The following VBP1 variants were observed in gnomAD, a reference collection of about 807,000 sequenced individuals.
VBP1 encodes the protein VHL binding protein 1.
VBP1 carries 4 observed loss-of-function variants against 15.5 expected under a neutral mutation model. The ratio of observed to expected loss-of-function variants is 0.26; its 90% confidence interval spans 0.13 to 0.59. VBP1 has a LOEUF of 0.59. Ranked by LOEUF, VBP1 falls within the 20% of genes least tolerant of loss-of-function variation. VBP1 has a pLI of 0.90. For synonymous variants in VBP1, 61 were observed against 52.1 expected (o/e 1.17, Z -0.74); for missense variants, 108 against 139.6 (o/e 0.77, Z 1.14).
intron 1 of VBP1, among the ~76,000 whole-genome samples, chrX:155,198,533 C>A (rs1569560841): frequency 1.8e-5 from 2 of 111,638 alleles, no homozygotes; most frequent in African/African-American, 3.2e-5. Context: ...CTCCAACAGA[C>A]CTGCAGCTGA....
Position 155,220,292 on chromosome X carries a change from C to A in VBP1, c.203C>A (p.Ala68Asp). The A allele has an allele frequency of 8.6e-7, 1 of 1,163,132 alleles. No individual in the cohort carries two copies. Among genetic ancestry groups the A allele is most frequent in the Non-Finnish European group, 1.1e-6 (1 of 874,761 alleles). ...QKYKFMELNL[A>D]QKKRRLKGQI... Reference sequence around the variant, plus strand: ...TATAAGTTTATGGAACTCAACCTTGCTCAAAAGAAAAGAAGGTAAGTGTAA... The same window carrying A: ...TATAAGTTTATGGAACTCAACCTTGATCAAAAGAAAAGAAGGTAAGTGTAA... The change falls in exon 2 of 6, where the codon GCT becomes GAT. Residue 68 changes from alanine to aspartate, a missense_variant. Ala to Asp is a moderately radical substitution (Grantham distance 126). Transcript: ENST00000286428.
At chrX:155,226,508 A>G (rs1186471805) in intron 2 of VBP1, among the ~76,000 whole-genome samples, 1 of 112,349 alleles carries the variant, frequency 8.9e-6, no homozygotes, top group Non-Finnish European at 1.9e-5. Context: ...TTATCAACAT[A>G]AAAGTTAAGG....
chrX:155,211,301 C>T (rs1356271493), intron 2 of VBP1, among the ~76,000 whole-genome samples: 1 of 112,184 alleles, frequency 8.9e-6, no homozygotes, highest in Non-Finnish European at 1.9e-5. Context: ...TGTAATTTAT[C>T]TTCACTACCT....
At chrX:155,199,968 G>T (rs1483342152) in intron 1 of VBP1, among the ~76,000 whole-genome samples, 2,300 of 59,749 alleles carry the variant, frequency 0.038, no homozygotes, top group East Asian at 0.045. Flanking sequence ...CCTAGTCTCT[G>T]ATAAAACAGA....
upstream of VBP1, among the ~76,000 whole-genome samples, chrX:155,216,178 C>T (rs2074661772): frequency 9.0e-6 from 1 of 111,275 alleles, no homozygotes; most frequent in South Asian, 3.8e-4. Context: ...GTCCCTATTC[C>T]TAGGGCTTTA....
At chrX:155,228,711 C>G (rs1557310531) in intron 4 of VBP1, among the ~76,000 whole-genome samples, 1 of 111,983 alleles carries the variant, frequency 8.9e-6, no homozygotes. Flanking sequence ...TAAAAACATA[C>G]TGAAGTCTCT....
At chrX:155,207,626 A>C (rs2074630509) in intron 1 of VBP1, among the ~76,000 whole-genome samples, 2 of 111,662 alleles carry the variant, frequency 1.8e-5, no homozygotes, top group South Asian at 7.5e-4. Context: ...GACAGGAGGA[A>C]GGACTGGAAA....
rs937639911 is a variant in VBP1 at position 155,216,525 on chromosome X, A to G, written c.43A>G (p.Thr15Ala). The change falls in exon 1 of 6, where the codon ACA (threonine) becomes GCA (alanine). Residue 15 changes from threonine (T) to alanine (A), a missense_variant. Thr to Ala is a moderately conservative substitution (Grantham distance 58). Transcript: ENST00000286428. ...CAGTTGTGGCAAAGGAGAAATGGCC[A>G]CAGGGAATGGGCGGCGGCTCCACCT... Reference protein sequence around the residue: ...KDSCGKGEMATGNGRRLHLGI... With the variant: ...KDSCGKGEMAAGNGRRLHLGI... The G allele has an allele frequency of 2.6e-6, 3 of 1,170,329 alleles. No individual in the cohort carries two copies. The African/African-American group carries it at 5.3e-5, about 21-fold the overall frequency.
At chrX:155,210,129 C>T (rs1383720474) in intron 2 of VBP1, among the ~76,000 whole-genome samples, 1 of 111,033 alleles carries the variant, frequency 9.0e-6, no homozygotes, top group Non-Finnish European at 1.9e-5. Flanking sequence ...CCAACCACAC[C>T]CCTTCCCTAA....
chrX:155,234,318 G>A (rs1186662104), intron 4 of VBP1, among the ~76,000 whole-genome samples: 1 of 108,331 alleles, frequency 9.2e-6, no homozygotes, highest in South Asian at 4.1e-4. Context: ...ACGGGGTTTC[G>A]CCATGTTGGC....
intron 1 of VBP1, 152 bp downstream of exon 1, chrX:155,216,727 C>T: frequency 2.5e-6 from 2 of 785,200 alleles, no homozygotes; most frequent in Non-Finnish European, 3.5e-6. Context: ...CGCACCTGGA[C>T]AGATTGAGCT....
intron 2 of VBP1, among the ~76,000 whole-genome samples, chrX:155,210,353 C>T (rs934558807): frequency 8.9e-6 from 1 of 111,836 alleles, no homozygotes; most frequent in Non-Finnish European, 1.9e-5. Context: ...ACTCGGGAGG[C>T]TGAGGCAAGA....
intron 1 of VBP1, 141 bp from the exon 2 acceptor site, chrX:155,220,042 T>C: frequency 7.8e-6 from 4 of 511,944 alleles, no homozygotes; most frequent in Non-Finnish European, 1.2e-5. Context: ...ATAAGGGTGC[T>C]TAACCTGTAC....
At chrX:155,226,626 A>G (rs2074721053) in intron 2 of VBP1, among the ~76,000 whole-genome samples, 1 of 112,047 alleles carries the variant, frequency 8.9e-6, no homozygotes, top group Non-Finnish European at 1.9e-5. Context: ...ACAAGTGCAC[A>G]TACTGAGAAG....
In VBP1 at chrX:155,210,774, T is replaced by C. The variant is rs182482460; in HGVS notation, c.78+1793T>C. 1.8e-3 allele frequency among the ~76,000 whole-genome samples: 199 copies of C among 112,264 alleles called. 1 individual carries two copies. The highest frequency in any genetic ancestry group is 3.2e-3 in the Non-Finnish European group (171 of 53,235). On this transcript the variant is annotated intron_variant, in intron 2 of 6. Transcript: ENST00000535916. ...CTCCAGACTCCCAGCATGTAATTGC[T>C]GTAGCTGCTCTCTAAGTAACAGCAA...
chrX:155,216,977 C>T (rs890030566), intron 1 of VBP1, among the ~76,000 whole-genome samples: 4 of 112,050 alleles, frequency 3.6e-5, no homozygotes, highest in Non-Finnish European at 7.5e-5. Context: ...GCAGAACAGC[C>T]AGTGCTAAGA....
At chrX:155,222,473 G>A (rs2074693987) in intron 2 of VBP1, among the ~76,000 whole-genome samples, 3 of 111,021 alleles carry the variant, frequency 2.7e-5, no homozygotes, top group South Asian at 7.7e-4. Context: ...ATGATACCCC[G>A]TCTCAAGAAA....
chrX:155,231,073 C>T (rs781928650), intron 4 of VBP1, among the ~76,000 whole-genome samples: 38 of 112,222 alleles, frequency 3.4e-4, no homozygotes, highest in Non-Finnish European at 1.3e-4. Context: ...AACCTTTATT[C>T]TAGCTCTTTC....
chrX:155,214,768 C>CTTTTTTTTTTTTTTTT (rs782556765), upstream of VBP1, among the ~76,000 whole-genome samples: 339 of 82,995 alleles, frequency 4.1e-3, 9 homozygotes, highest in Admixed American at 0.02. Flanking sequence ...TTTTCTTTTC[C>CTTTTTTTTTTTTTTTT]TTTTTTTTTT....
Sources: allele counts gnomAD v4.1 joint callset (sites outside exome capture counted in the v4.1 genomes callset), GRCh38; gene constraint gnomAD v4.1.1; transcripts MANE v1.5; gene names NCBI Gene and HGNC (gene_info 2026-07-23, HGNC 2026-07-21).